The following NBEA variants were observed in gnomAD, a reference collection of about 807,000 sequenced individuals.
NBEA encodes the protein neurobeachin.
A neutral mutation model predicts 343.4 loss-of-function variants in NBEA; 44 were observed. The observed-to-expected ratio is 0.13, with a 90% confidence interval of 0.10 to 0.16. The LOEUF is 0.16. Ranked by LOEUF, NBEA falls within the 10% of genes least tolerant of loss-of-function variation. NBEA has a pLI of 1.00. For missense variants in NBEA, 2,555 were observed against 3,631.3 expected (o/e 0.70, Z 7.62); for synonymous variants, 1,175 against 1,238.7 (o/e 0.95, Z 1.08).
chr13:35,379,807 C>G (rs1409805692), intron 38 of NBEA, among the ~76,000 whole-genome samples: 1 of 151,602 alleles, frequency 6.6e-6, no homozygotes, highest in East Asian at 1.9e-4. Context: ...TCTGGACTCT[C>G]TCTACAGTTC....
intron 53 of NBEA, 21 bp downstream of exon 53, chr13:35,651,897 A>G (rs886220940): frequency 9.7e-6 from 13 of 1,335,126 alleles, no homozygotes; most frequent in Middle Eastern, 1.8e-4. Context: ...AAAAAAGAAT[A>G]AATTTTCATG....
chr13:35,634,988 C>T (rs922755923), intron 49 of NBEA, among the ~76,000 whole-genome samples: 1 of 148,534 alleles, frequency 6.7e-6, no homozygotes, highest in African/African-American at 2.6e-5. Flanking sequence ...TGTCAAGAAC[C>T]AGAAGATAGA....
intron 40 of NBEA, among the ~76,000 whole-genome samples, chr13:35,453,614 G>A (rs569125298): frequency 6.6e-6 from 1 of 152,234 alleles, no homozygotes; most frequent in South Asian, 2.1e-4. Context: ...TTTAGATTAT[G>A]TGTTGTCTTT....
At chr13:34,987,945 C>G (rs370963509) in intron 1 of NBEA, among the ~76,000 whole-genome samples, 1 of 150,836 alleles carries the variant, frequency 6.6e-6, no homozygotes. Context: ...TGAACATCCT[C>G]CTTTAGCTCG....
chr13:35,206,266 G>A (rs2152749065), intron 31 of NBEA, among the ~76,000 whole-genome samples: 1 of 152,148 alleles, frequency 6.6e-6, no homozygotes, highest in East Asian at 1.9e-4. Context: ...TTTGCTCAAA[G>A]TTAGTAATGA....
Position 35,358,453 on chromosome 13 carries a change from A to C in NBEA, c.6179+6130A>C, listed in dbSNP as rs757291369. ...AGAAACAGGCCAGGCAAGGTGGCTC[A>C]AACCTGTAATCCCAGCACTTTGGGA... On this transcript the variant is annotated intron_variant, in intron 38 of 58. Coordinates refer to ENST00000379939, the MANE Select transcript of NBEA (RefSeq NM_001385012.1). 2.6e-4 allele frequency among the ~76,000 whole-genome samples: 40 copies of C among 152,128 alleles called. 1 individual carries two copies. Among genetic ancestry groups the C allele is most frequent in the Non-Finnish European group, 3.7e-4 (25 of 68,006 alleles).
intron 43 of NBEA, among the ~76,000 whole-genome samples, chr13:35,551,579 A>C (rs575224593): frequency 6.6e-6 from 1 of 152,202 alleles, no homozygotes; most frequent in Non-Finnish European, 1.5e-5. Context: ...AAACATAATC[A>C]GTAGTTACTT....
intron 38 of NBEA, among the ~76,000 whole-genome samples, chr13:35,380,970 A>C (rs908242469): frequency 1.3e-5 from 2 of 152,140 alleles, no homozygotes; most frequent in Non-Finnish European, 2.9e-5. Context: ...CCTATTTGTT[A>C]AAAGTTTTTA....
At chr13:35,493,801 G>A (rs929144971) in intron 41 of NBEA, among the ~76,000 whole-genome samples, 2 of 151,918 alleles carry the variant, frequency 1.3e-5, no homozygotes, top group African/African-American at 4.8e-5. Context: ...TTAACTTTGA[G>A]ATGAGTACAA....
intron 10 of NBEA, among the ~76,000 whole-genome samples, chr13:35,092,036 T>A (rs2065109258): frequency 6.6e-6 from 1 of 152,034 alleles, no homozygotes; most frequent in Non-Finnish European, 1.5e-5. Context: ...ACTTTTAAGC[T>A]GTAATAATGA....
chr13:35,401,728 CATTT>C (rs779032440), intron 38 of NBEA, among the ~76,000 whole-genome samples: 23 of 151,778 alleles, frequency 1.5e-4, no homozygotes, highest in Admixed American at 2.6e-4. Flanking sequence ...AGGCAGAGGT[CATTT>C]ATTATCAGCT....
chr13:35,419,629 G>T (rs532399885), intron 38 of NBEA, among the ~76,000 whole-genome samples: 33 of 152,078 alleles, frequency 2.2e-4, no homozygotes, highest in African/African-American at 6.3e-4. Context: ...ACCATTTCAG[G>T]AGTTTTGTGA....
intron 10 of NBEA, among the ~76,000 whole-genome samples, chr13:35,080,903 T>C (rs1209577857): frequency 1.3e-5 from 2 of 152,046 alleles, no homozygotes; most frequent in African/African-American, 4.8e-5. Flanking sequence ...GTATAGTGAA[T>C]AGGACCAGGT....
intron 34 of NBEA, among the ~76,000 whole-genome samples, chr13:35,249,531 C>A (rs2031696475): frequency 6.6e-6 from 1 of 152,018 alleles, no homozygotes. Flanking sequence ...CAAGAAGAAA[C>A]CTTACACCTA....
intron 38 of NBEA, among the ~76,000 whole-genome samples, chr13:35,380,936 A>C (rs1323472670): frequency 1.3e-5 from 2 of 152,144 alleles, no homozygotes; most frequent in East Asian, 3.8e-4. Flanking sequence ...ACTTTTTACC[A>C]AATTAATGAA....
At chr13:35,527,880 C>T (rs1180305188) in intron 41 of NBEA, among the ~76,000 whole-genome samples, 1 of 152,208 alleles carries the variant, frequency 6.6e-6, no homozygotes, top group Non-Finnish European at 1.5e-5. Context: ...CAGCCGGAGG[C>T]TTCCCAGCAG....
chr13:35,517,496 C>T (rs2077529154), intron 41 of NBEA, among the ~76,000 whole-genome samples: 2 of 152,152 alleles, frequency 1.3e-5, no homozygotes. Flanking sequence ...TAAAAGATGT[C>T]GTGATTCTAA....
At chr13:35,639,161 A>G (rs533354622) in intron 49 of NBEA, among the ~76,000 whole-genome samples, 42 of 152,356 alleles carry the variant, frequency 2.8e-4, no homozygotes, top group African/African-American at 1.0e-3. Flanking sequence ...AGGTTAAAAC[A>G]AAAGGAAAAA....
chr13:34,949,594 G>A (rs887025150), intron 1 of NBEA, among the ~76,000 whole-genome samples: 1 of 152,106 alleles, frequency 6.6e-6, no homozygotes, highest in Non-Finnish European at 1.5e-5. Flanking sequence ...GCAAGGACAG[G>A]GAATTCTTGT....
Sources: gnomAD v4.1 joint callset for allele counts (sites outside exome capture counted in the v4.1 genomes callset) on GRCh38, gnomAD v4.1.1 for gene constraint, MANE v1.5 for transcripts, NCBI Gene and HGNC (gene_info 2026-07-23, HGNC 2026-07-21) for gene names.